The following SMARCA2 variants were observed in gnomAD, a reference collection of about 807,000 sequenced individuals.
SMARCA2 encodes SWI/SNF related BAF chromatin remodeling complex subunit ATPase 2.
In SMARCA2, 61 loss-of-function variants were observed where a neutral mutation model predicts 199.8. The observed-to-expected ratio is 0.31, with a 90% confidence interval of 0.25 to 0.38. The LOEUF is 0.38. SMARCA2 is among the 10% of genes least tolerant of loss of function. The pLI is 1.00. For missense variants in SMARCA2, 1,344 were observed against 2,012.2 expected (o/e 0.67, Z 6.35); for synonymous variants, 935 against 732.0 (o/e 1.28, Z -4.48).
At chr9:2,121,079 C>G (rs903982249) in intron 26 of SMARCA2, among the ~76,000 whole-genome samples, 33 of 152,220 alleles carry the variant, frequency 2.2e-4, no homozygotes, top group Admixed American at 2.6e-4. Flanking sequence ...GCCGCAGATA[C>G]TCTCAAGACA....
chr9:2,183,635 A>AGG (rs1491579233), intron 31 of SMARCA2, among the ~76,000 whole-genome samples: 2 of 8,504 alleles, frequency 2.4e-4, no homozygotes, highest in Non-Finnish European at 3.3e-4. Flanking sequence ...GTCATCAAAC[A>AGG]AAGGAATAGA....
chr9:2,022,871 G>A (rs1205855992), intron 1 of SMARCA2, among the ~76,000 whole-genome samples: 1 of 152,122 alleles, frequency 6.6e-6, no homozygotes, highest in Non-Finnish European at 1.5e-5. Context: ...GTTAGCTTTT[G>A]TTTTGACCAG....
At position 2,161,931 on chromosome 9, in the gene SMARCA2, C is replaced by G. The variant is rs754602613; in HGVS notation, c.4199+28C>G. 1 of 1,577,820 alleles carries G rather than the reference C, an allele frequency of 6.3e-7. No individual in the cohort carries two copies. The highest frequency in any genetic ancestry group is 1.3e-5 in the African/African-American group (1 of 74,080). ...GAGTGTTTGGTTCCTTCACCTTGAT[C>G]ATCTCTCACCAAGACGCCGAGTGGC... On this transcript the variant is annotated intron_variant, in intron 28 of 33. Coordinates refer to ENST00000349721, the MANE Select transcript of SMARCA2 (RefSeq NM_003070.5). This position sits in a 1 kb window ranked among gnomAD's most constrained non-coding sequence, Gnocchi z 4.7.
intron 32 of SMARCA2, among the ~76,000 whole-genome samples, chr9:2,190,022 C>T (rs1184539064): frequency 6.6e-6 from 1 of 152,188 alleles, no homozygotes; most frequent in African/African-American, 2.4e-5. Flanking sequence ...ATGAGAGACC[C>T]ACATTTTCAG....
At chr9:2,128,510 G>A (rs1823796683) in intron 27 of SMARCA2, among the ~76,000 whole-genome samples, 1 of 152,256 alleles carries the variant, frequency 6.6e-6, no homozygotes, top group South Asian at 2.1e-4. Flanking sequence ...AGGGTGCAGT[G>A]AAACTGGCCC....
At chr9:2,167,832 C>T in intron 28 of SMARCA2, among the ~76,000 whole-genome samples, 1 of 152,186 alleles carries the variant, frequency 6.6e-6, no homozygotes, top group South Asian at 2.1e-4. Flanking sequence ...CAGGTACTTA[C>T]CCCCACTAGC....
intron 27 of SMARCA2, among the ~76,000 whole-genome samples, chr9:2,151,738 TAAAA>T: frequency 6.6e-6 from 1 of 151,674 alleles, no homozygotes; most frequent in Middle Eastern, 3.4e-3. Context: ...GTATCAAAAA[TAAAA>T]AATAAATGAA....
chr9:2,177,476 AC>A (rs1161603127), intron 29 of SMARCA2, among the ~76,000 whole-genome samples: 2 of 152,128 alleles, frequency 1.3e-5, no homozygotes, highest in Admixed American at 1.3e-4. Flanking sequence ...ACCATAAAAG[AC>A]CCTCACTAAT....
Position 2,082,048 on chromosome 9 carries a change from C to T in SMARCA2, c.2348+53C>T, listed in dbSNP as rs181251466. 2.2e-4 allele frequency: 320 copies of T among 1,428,318 alleles called. No homozygotes were observed. In the African/African-American group the frequency reaches 3.9e-3, roughly 17 times the overall value. 88.5% of individuals were successfully genotyped at this position (1,428,318 alleles called of 1,614,324 possible). A position where few individuals can be genotyped will look rare whatever the true frequency, so the allele number is the denominator to read the frequency against. ...ATCGTTCTGTATGTTGTAGAGTGCC[C>T]GATTAGTAGCTTGTCCTTGTTTTTT... is the stretch of plus-strand genomic sequence containing the variant. On this transcript the variant is annotated intron_variant, in intron 15 of 33. Coordinates refer to ENST00000349721, the MANE Select transcript of SMARCA2 (RefSeq NM_003070.5).
chr9:2,066,162 T>G lies in SMARCA2; in HGVS notation c.1693-4256T>G, dbSNP rs538254325. 1.6e-4 allele frequency among the ~76,000 whole-genome samples: 24 copies of G among 152,356 alleles called. No individual in the cohort carries two copies. The South Asian group carries it at 4.8e-3, about 30-fold the overall frequency. On this transcript the variant is annotated intron_variant, in intron 9 of 33. Transcript: ENST00000349721. ...TGGATACTTCAGATACCAGCACATTTGAATGTTGTTTCAGTATATTATAAT... is the reference window on the plus strand; with the variant it reads ...TGGATACTTCAGATACCAGCACATTGGAATGTTGTTTCAGTATATTATAAT...
At chr9:2,050,732 C>T (rs4741637) in intron 5 of SMARCA2, among the ~76,000 whole-genome samples, 6 of 151,720 alleles carry the variant, frequency 4.0e-5, no homozygotes, top group East Asian at 1.9e-4. Context: ...AAGTCACACA[C>T]GCTCTCTTTT....
chr9:2,100,971 A>G (rs1822486349), intron 21 of SMARCA2, among the ~76,000 whole-genome samples: 1 of 152,130 alleles, frequency 6.6e-6, no homozygotes, highest in Non-Finnish European at 1.5e-5. Flanking sequence ...AATGTGAGGC[A>G]AGTGAAAAGG....
intron 21 of SMARCA2, among the ~76,000 whole-genome samples, chr9:2,101,230 T>A (rs1207264955): frequency 1.3e-5 from 2 of 152,094 alleles, no homozygotes; most frequent in Non-Finnish European, 2.9e-5. Flanking sequence ...GACTCTGTAT[T>A]CCTTGAGTTC....
chr9:2,158,062 A>G (rs1825462028), intron 27 of SMARCA2, among the ~76,000 whole-genome samples: 1 of 151,594 alleles, frequency 6.6e-6, no homozygotes, highest in African/African-American at 2.4e-5. Context: ...AACTAATTGA[A>G]GAGGGAGCTA....
chr9:2,153,636 C>G (rs1243815599), intron 27 of SMARCA2, among the ~76,000 whole-genome samples: 1 of 152,160 alleles, frequency 6.6e-6, no homozygotes, highest in African/African-American at 2.4e-5. Context: ...AATTACTGTA[C>G]TAAGCAAATG....
chr9:2,177,586 C>T (rs926282138), intron 29 of SMARCA2, among the ~76,000 whole-genome samples: 9 of 151,790 alleles, frequency 5.9e-5, no homozygotes, highest in African/African-American at 2.2e-4. Flanking sequence ...GAGTTTCGCT[C>T]TCGTTGCCCA....
intron 23 of SMARCA2, among the ~76,000 whole-genome samples, chr9:2,106,087 T>G (rs1236852222): frequency 6.6e-6 from 1 of 152,240 alleles, no homozygotes; most frequent in Non-Finnish European, 1.5e-5. Context: ...AAGCATTTCA[T>G]GTGCATTATT....
rs560146711 is a variant in SMARCA2, at chr9:2,067,655, G to T, written c.1693-2763G>T. Reference sequence around the variant, plus strand: ...ACTAAGACACAAGAGAAAATGATTTGCTCAAGATCATACAGCTAAGATCTC... The same window carrying T: ...ACTAAGACACAAGAGAAAATGATTTTCTCAAGATCATACAGCTAAGATCTC... On this transcript the variant is annotated intron_variant, in intron 9 of 33. Transcript: ENST00000349721. 3.3e-5 allele frequency among the ~76,000 whole-genome samples: 5 copies of T among 152,266 alleles called. 1 individual carries two copies. In the South Asian group the frequency reaches 1.0e-3, roughly 32 times the overall value.
intron 31 of SMARCA2, among the ~76,000 whole-genome samples, chr9:2,185,750 T>G (rs1214565348): frequency 6.6e-6 from 1 of 152,204 alleles, no homozygotes. Flanking sequence ...GAAGATTGCT[T>G]TACCACAGTC....
Sources: gnomAD v4.1 joint callset for allele counts (sites outside exome capture counted in the v4.1 genomes callset) on GRCh38, gnomAD v4.1.1 for gene constraint, Gnocchi (gnomAD v3.1) non-coding constraint, MANE v1.5 for transcripts, NCBI Gene and HGNC (gene_info 2026-07-23, HGNC 2026-07-21) for gene names.